The following IQGAP1 variants were observed in gnomAD, a reference collection of about 807,000 sequenced individuals.
IQGAP1 encodes IQ motif containing GTPase activating protein 1, also known as ras GTPase-activating-like protein IQGAP1.
IQGAP1 carries 66 observed loss-of-function variants against 215.6 expected under a neutral mutation model. The observed-to-expected ratio is 0.31, with a 90% confidence interval of 0.25 to 0.38. The LOEUF (loss-of-function observed/expected upper bound fraction) is 0.38, where lower values mean the gene tolerates loss of function less well. IQGAP1 is among the 10% of genes least tolerant of loss of function. IQGAP1 has a pLI of 1.00. For synonymous variants in IQGAP1, 772 were observed against 728.7 expected (o/e 1.06, Z -0.96); for missense variants, 1,712 against 1,997.1 (o/e 0.86, Z 2.72).
intron 15 of IQGAP1, among the ~76,000 whole-genome samples, chr15:90,457,318 C>T (rs1252643247): frequency 6.6e-6 from 1 of 152,046 alleles, no homozygotes; most frequent in Non-Finnish European, 1.5e-5. Flanking sequence ...TTGCATGGAG[C>T]CATCCTTTGC....
rs1271517966 is a variant in IQGAP1, at chr15:90,491,144, G to A, written c.4249-189G>A. Among the ~76,000 whole-genome samples the A allele has an allele frequency of 2.0e-5, 3 of 152,142 alleles. No individual in the cohort carries two copies. In the East Asian group the frequency reaches 5.8e-4, roughly 29 times the overall value. On this transcript the variant is annotated intron_variant, in intron 33 of 37. Transcript: ENST00000268182. ...ATTTTGTAGATATCATCTCTTCTAG[G>A]TGGAAAGAGATGTGCCTCTGCTTCA...
intron 2 of IQGAP1, among the ~76,000 whole-genome samples, chr15:90,416,758 T>A (rs887656258): frequency 6.6e-6 from 1 of 152,142 alleles, no homozygotes; most frequent in Non-Finnish European, 1.5e-5. Flanking sequence ...TTTGTATTTT[T>A]AGTAGAGATG....
chr15:90,443,589 G>A, intron 9 of IQGAP1, 111 bp downstream of exon 9: 1 of 625,276 alleles, frequency 1.6e-6, no homozygotes, highest in Non-Finnish European at 2.8e-6. Context: ...AGACATTCGT[G>A]GATTTGTTTA....
chr15:90,416,647 G>A (rs1965053961), intron 2 of IQGAP1, among the ~76,000 whole-genome samples: 1 of 148,834 alleles, frequency 6.7e-6, no homozygotes, highest in Non-Finnish European at 1.5e-5. Flanking sequence ...GCACAATCTT[G>A]GCTCACTGCA....
intron 2 of IQGAP1, among the ~76,000 whole-genome samples, chr15:90,415,612 C>A (rs1266831764): frequency 1.3e-5 from 2 of 152,162 alleles, no homozygotes; most frequent in African/African-American, 4.8e-5. Context: ...CCTCCATGCC[C>A]CCTGCCTTTT....
In IQGAP1 at chr15:90,472,878, A is replaced by T. The variant is rs1965924775; in HGVS notation, c.2217A>T (p.Glu739Asp). ...GGGTGACTGCCGCATATAACCGAGA[A>T]CAGCTGTGGCTGGCCAATGAAGGCC... is the stretch of plus-strand genomic sequence containing the variant. ...ISGVTAAYNR[E>D]QLWLANEGLI... The change falls in exon 19 of 38, where the codon GAA becomes GAT. Residue 739 changes from glutamate to aspartate, a missense_variant. This residue lies in a region of IQGAP1 where 1,021 missense variants were observed against 1,074.2 expected (regional missense o/e 0.95). Coordinates refer to ENST00000268182, the MANE Select transcript of IQGAP1 (RefSeq NM_003870.4). 1.2e-6 allele frequency: 2 copies of T among 1,613,594 alleles called. No individual in the cohort carries two copies.
At chr15:90,481,034 A>G (rs1230353052) in intron 26 of IQGAP1, among the ~76,000 whole-genome samples, 1 of 152,172 alleles carries the variant, frequency 6.6e-6, no homozygotes, top group Admixed American at 6.5e-5. Context: ...AACAACCGAA[A>G]GTCATGGTCT....
At chr15:90,484,140 T>G in intron 29 of IQGAP1, 80 bp from the exon 30 acceptor site, 1 of 1,264,756 alleles carries the variant, frequency 7.9e-7, no homozygotes, top group Non-Finnish European at 1.1e-6. Flanking sequence ...ACTCATTGTG[T>G]GAGAGGTTTG....
Position 90,390,712 on chromosome 15 carries a change from ATCT to A in IQGAP1, c.56-60_56-58del, listed in dbSNP as rs1964623418. The A allele has an allele frequency of 3.5e-6, 4 of 1,144,736 alleles. No homozygotes were observed. The Admixed American group carries it at 5.3e-5, about 15-fold the overall frequency. The allele number at this position is 1,144,736 out of a possible 1,614,324, so 70.9% of individuals were successfully genotyped here. A position where few individuals can be genotyped will look rare whatever the true frequency, so the allele number is the denominator to read the frequency against. On this transcript the variant is annotated intron_variant, in intron 1 of 37. Transcript: ENST00000268182. ...GTGGCAGGAAATTGATTCTGTGGCA[ATCT>A]TTTATCACTCAGGAAGGCTACAGAT...
intron 2 of IQGAP1, among the ~76,000 whole-genome samples, chr15:90,420,348 G>A (rs927669357): frequency 6.6e-6 from 1 of 152,124 alleles, no homozygotes; most frequent in African/African-American, 2.4e-5. Context: ...CCAAGTCCAT[G>A]GCCAGTGCTA....
chr15:90,501,204 C>T lies in IQGAP1; in HGVS notation c.*1096C>T, dbSNP rs1314898013. 6.6e-6 allele frequency: 1 copy of T among 152,320 alleles called. No homozygotes were observed. The highest frequency in any genetic ancestry group is 1.5e-5 in the Non-Finnish European group (1 of 68,014). The allele number at this position is 152,320 out of a possible 1,614,324, so 9.4% of individuals were successfully genotyped here. ...TTGTCTAAAACAAAAACAAAACCAG[C>T]CAACCTATGTTACACGTGAGATTAA... On this transcript the variant is annotated 3_prime_UTR_variant, in exon 38 of 38. Transcript: ENST00000268182.
chr15:90,482,187 C>G lies in IQGAP1; in HGVS notation c.3471-10C>G, dbSNP rs371243100. On this transcript the variant is annotated splice_polypyrimidine_tract_variant and intron_variant, in intron 27 of 37. Transcript: ENST00000268182. ...TTGGCCCTTCTCACTAAGTTTTGTCCATCCCGCAGTTATGGGATGCGCTTC... is the reference window on the plus strand; with the variant it reads ...TTGGCCCTTCTCACTAAGTTTTGTCGATCCCGCAGTTATGGGATGCGCTTC... 3.4e-5 allele frequency: 55 copies of G among 1,614,056 alleles called. No homozygotes were observed. The highest frequency in any genetic ancestry group is 4.7e-5 in the Non-Finnish European group (55 of 1,180,052).
At chr15:90,440,037 AGTT>A (rs2151018839) in intron 6 of IQGAP1, among the ~76,000 whole-genome samples, 1 of 152,334 alleles carries the variant, frequency 6.6e-6, no homozygotes, top group South Asian at 2.1e-4. Flanking sequence ...CTTCCAGGGA[AGTT>A]ATTCACCAGA....
intron 2 of IQGAP1, among the ~76,000 whole-genome samples, chr15:90,405,279 A>G (rs1408629117): frequency 6.6e-6 from 1 of 152,214 alleles, no homozygotes; most frequent in Non-Finnish European, 1.5e-5. Context: ...TTTGAAACAT[A>G]TGGCTTAACT....
chr15:90,418,133 G>A (rs1253593268), intron 2 of IQGAP1, among the ~76,000 whole-genome samples: 2 of 152,148 alleles, frequency 1.3e-5, no homozygotes, highest in Admixed American at 6.5e-5. Flanking sequence ...TCAGCACAAC[G>A]TTATACCACT....
chr15:90,497,929 C>T (rs899684144), intron 37 of IQGAP1, among the ~76,000 whole-genome samples: 3 of 152,150 alleles, frequency 2.0e-5, no homozygotes, highest in Admixed American at 6.5e-5. Flanking sequence ...TGTGTGGCAC[C>T]GGTTAGTCTG....
At chr15:90,476,357 A>G (rs775751995) in intron 23 of IQGAP1, among the ~76,000 whole-genome samples, 3 of 152,180 alleles carry the variant, frequency 2.0e-5, no homozygotes, top group Non-Finnish European at 4.4e-5. Flanking sequence ...TAACATTGCA[A>G]TTAATGTTTC....
intron 26 of IQGAP1, among the ~76,000 whole-genome samples, chr15:90,480,168 C>T (rs1237621634): frequency 2.7e-5 from 4 of 148,712 alleles, no homozygotes; most frequent in South Asian, 2.1e-4. Flanking sequence ...ACAGGAAGAT[C>T]GCTTGAGCCC....
rs550505930 is a variant in IQGAP1 at position 90,501,500 on chromosome 15, A to G, written c.*1392A>G. 1.3e-5 allele frequency: 2 copies of G among 152,160 alleles called. No individual in the cohort carries two copies. The highest frequency in any genetic ancestry group is 6.6e-5 in the Admixed American group (1 of 15,262). 9.4% of individuals were successfully genotyped at this position (152,160 alleles called of 1,614,324 possible). ...TATTCTTTTATCATAAATTTTTAGC[A>G]TTTAAAAATTCACTGATGTACATTA... On this transcript the variant is annotated 3_prime_UTR_variant, in exon 38 of 38. Coordinates refer to ENST00000268182, the MANE Select transcript of IQGAP1 (RefSeq NM_003870.4).
Sources: gnomAD v4.1 joint callset for allele counts (sites outside exome capture counted in the v4.1 genomes callset) on GRCh38, gnomAD v4.1.1 for gene constraint, gnomAD v4.1.1 regional missense constraint, MANE v1.5 for transcripts, NCBI Gene and HGNC (gene_info 2026-07-23, HGNC 2026-07-21) for gene names.